Variants in ARNT2 observed in about 807,000 individuals in gnomAD.
ARNT2 encodes the protein ARNT protein 2.
A neutral mutation model predicts 91.7 loss-of-function variants in ARNT2; 36 were observed. That is an observed-to-expected ratio of 0.39 (90% CI 0.30 to 0.52). The LOEUF is 0.52. Ranked by LOEUF, ARNT2 falls within the 20% of genes least tolerant of loss-of-function variation. ARNT2 has a pLI of 0.72. For synonymous variants in ARNT2, 365 were observed against 347.1 expected (o/e 1.05, Z -0.57); for missense variants, 775 against 939.3 (o/e 0.83, Z 2.29).
intron 8 of ARNT2, 101 bp from the exon 9 acceptor site, chr15:80,551,098 C>T: frequency 8.6e-7 from 1 of 1,164,178 alleles, no homozygotes; most frequent in Non-Finnish European, 1.3e-6. Flanking sequence ...ATGGCCAACA[C>T]TCACTGTATT....
chr15:80,597,408 C>T lies in ARNT2; in HGVS notation c.*3710C>T. On this transcript the variant is annotated 3_prime_UTR_variant, in exon 19 of 19. Coordinates refer to ENST00000303329, the MANE Select transcript of ARNT2 (RefSeq NM_014862.4). ...TGGGCTTGGCCTAAGTCGCTGTCTCCTAACCTGCCGGGGTCATTCCCCACC... is the reference window on the plus strand; with the variant it reads ...TGGGCTTGGCCTAAGTCGCTGTCTCTTAACCTGCCGGGGTCATTCCCCACC... 1 of 413,170 alleles carries T rather than the reference C, an allele frequency of 2.4e-6. No homozygotes were observed. The allele number at this position is 413,170 out of a possible 1,614,324, so 25.6% of individuals were successfully genotyped here.
intron 1 of ARNT2, chr15:80,434,482 A>G (rs1439075963): frequency 6.6e-6 from 1 of 152,316 alleles, no homozygotes; most frequent in Non-Finnish European, 1.5e-5. Context: ...TGAAGCCGGA[A>G]GCAAAGTCCA....
At chr15:80,577,257 C>T (rs943565845) in intron 15 of ARNT2, among the ~76,000 whole-genome samples, 2 of 152,210 alleles carry the variant, frequency 1.3e-5, no homozygotes, top group African/African-American at 4.8e-5. Context: ...CTAGCCAGGA[C>T]CCAAGTGAGC....
chr15:80,574,288 A>G (rs2141476074), intron 13 of ARNT2, 68 bp downstream of exon 13: 1 of 1,480,104 alleles, frequency 6.8e-7, no homozygotes, highest in Admixed American at 1.7e-5. Flanking sequence ...GACTCAATTC[A>G]GCCCTGAGCT....
rs776191753 is a variant in ARNT2 at position 80,574,980 on chromosome 15, C to CA, written c.1390-4dup. The CA allele has an allele frequency of 7.7e-5, 125 of 1,613,466 alleles. No individual in the cohort carries two copies. The highest frequency in any genetic ancestry group is 1.0e-4 in the Non-Finnish European group (121 of 1,179,602). On this transcript the variant is annotated splice_region_variant and splice_polypyrimidine_tract_variant and intron_variant, in intron 13 of 18. Transcript: ENST00000303329. The stretch of plus-strand genomic sequence containing the variant: ...TTGCTGTTGTGTTTTATTTAATGTG[C>CA]AAATAGGTCCCCGTCCCCAACCTAC...
chr15:80,423,762 G>C (rs1895894258), intron 1 of ARNT2, among the ~76,000 whole-genome samples: 1 of 127,598 alleles, frequency 7.8e-6, no homozygotes, highest in Non-Finnish European at 1.7e-5. Flanking sequence ...GTGTGAAAGA[G>C]AGGGAGAAAG....
chr15:80,466,681 C>T (rs1307177352), intron 3 of ARNT2, among the ~76,000 whole-genome samples: 1 of 152,198 alleles, frequency 6.6e-6, no homozygotes, highest in African/African-American at 2.4e-5. Flanking sequence ...ATGAAGGCTT[C>T]AGAATGAAAC....
Position 80,597,313 on chromosome 15 carries a change from AG to A in ARNT2, c.*3616del. 1.9e-6 allele frequency: 1 copy of A among 518,770 alleles called. No homozygotes were observed. The highest frequency in any genetic ancestry group is 1.4e-5 in the South Asian group (1 of 71,520). The allele number at this position is 518,770 out of a possible 1,614,324, so 32.1% of individuals were successfully genotyped here. A position where few individuals can be genotyped will look rare whatever the true frequency, so the allele number is the denominator to read the frequency against. On this transcript the variant is annotated 3_prime_UTR_variant, in exon 19 of 19. Transcript: ENST00000303329. ...CTGACCTACCACATAAACAGGAAGA[AG>A]CCAGTGACCGGAACAGCTCTAGGAA... is the stretch of plus-strand genomic sequence containing the variant.
chr15:80,429,508 G>GTCT (rs1299144004), intron 1 of ARNT2, among the ~76,000 whole-genome samples: 1 of 152,222 alleles, frequency 6.6e-6, no homozygotes, highest in Admixed American at 6.5e-5. Context: ...CCCTGTGCAT[G>GTCT]TCTTCATTTG....
intron 5 of ARNT2, among the ~76,000 whole-genome samples, chr15:80,494,636 GCAGGCCACAGCAGGCGGTGGCCCATGA>G (rs1897101059): frequency 6.6e-6 from 1 of 152,196 alleles, no homozygotes; most frequent in Admixed American, 6.5e-5. Flanking sequence ...TAGCAGAGCA[GCAGGCCACAGCAGGCGGTGGCCCATGA>G]TCCCACATCA....
At chr15:80,475,559 CAAA>C (rs35720455) in intron 5 of ARNT2, 1,248 of 91,250 alleles carry the variant, frequency 0.014, 9 homozygotes, top group African/African-American at 0.038. Flanking sequence ...GACTCTGTCT[CAAA>C]AAAAAAAAAA....
intron 1 of ARNT2, among the ~76,000 whole-genome samples, chr15:80,414,378 A>G (rs1257476264): frequency 1.3e-5 from 2 of 152,214 alleles, no homozygotes; most frequent in Non-Finnish European, 2.9e-5. Flanking sequence ...ACTCTGGTCT[A>G]TGGGAACAAA....
chr15:80,436,037 C>A (rs930798339), intron 1 of ARNT2: 6 of 152,216 alleles, frequency 3.9e-5, no homozygotes, highest in African/African-American at 1.4e-4. Context: ...TCCCCCCCGC[C>A]CTGCACAGCT....
intron 5 of ARNT2, among the ~76,000 whole-genome samples, chr15:80,498,159 T>C (rs1204112135): frequency 6.6e-6 from 1 of 152,198 alleles, no homozygotes; most frequent in African/African-American, 2.4e-5. Flanking sequence ...AGTTCTACCC[T>C]GAGTGACCAG....
chr15:80,499,629 G>A (rs1897164508), intron 5 of ARNT2, among the ~76,000 whole-genome samples: 1 of 152,208 alleles, frequency 6.6e-6, no homozygotes. Context: ...AGGGGGAAAG[G>A]TGGCAAAGGT....
Position 80,594,749 on chromosome 15 carries a change from G to A in ARNT2, c.*1051G>A, listed in dbSNP as rs554476406. 4.1e-4 allele frequency: 62 copies of A among 152,466 alleles called. No homozygotes were observed. Among genetic ancestry groups the A allele is most frequent in the Admixed American group, 8.5e-4 (13 of 15,310 alleles). 9.4% of individuals were successfully genotyped at this position (152,466 alleles called of 1,614,324 possible). On this transcript the variant is annotated 3_prime_UTR_variant, in exon 19 of 19. Coordinates refer to ENST00000303329, the MANE Select transcript of ARNT2 (RefSeq NM_014862.4). ...TGCAGGACAGCACGCCTTGAGGTCA[G>A]AGGCCTGGCCCTTCTTTACAGATGT...
intron 1 of ARNT2, among the ~76,000 whole-genome samples, chr15:80,432,489 A>G (rs745984214): frequency 3.3e-5 from 5 of 152,266 alleles, no homozygotes; most frequent in Non-Finnish European, 5.9e-5. Flanking sequence ...GTGCTCATGC[A>G]TTGAAACACA....
At chr15:80,505,447 G>A (rs899910377) in intron 5 of ARNT2, among the ~76,000 whole-genome samples, 15 of 152,158 alleles carry the variant, frequency 9.9e-5, no homozygotes, top group African/African-American at 3.6e-4. Flanking sequence ...ATGGAATATT[G>A]GTGACTGATC....
chr15:80,583,181 T>C (rs1596025384), intron 17 of ARNT2, among the ~76,000 whole-genome samples: 1 of 152,302 alleles, frequency 6.6e-6, no homozygotes, highest in Non-Finnish European at 1.5e-5. Flanking sequence ...GCAGCCATGG[T>C]CTGCGTGGGG....
Sources: allele counts gnomAD v4.1 joint callset (sites outside exome capture counted in the v4.1 genomes callset), GRCh38; gene constraint gnomAD v4.1.1; transcripts MANE v1.5; gene names NCBI Gene and HGNC (gene_info 2026-07-23, HGNC 2026-07-21).